The following C16orf74 variants were observed in gnomAD, a reference collection of about 807,000 sequenced individuals.
C16orf74 encodes the protein calcimembrin, also known as uncharacterized protein C16orf74.
C16orf74 carries 10 observed loss-of-function variants against 6.5 expected under a neutral mutation model. The ratio of observed to expected loss-of-function variants is 1.54; its 90% CI spans 0.95 to 2.61. The LOEUF (loss-of-function observed/expected upper bound fraction) is 2.61, where lower values mean the gene tolerates loss of function less well. Among genes scored for constraint, C16orf74 ranks in the 30% most tolerant of loss-of-function variants. The pLI is 0.00. For synonymous variants in C16orf74, 60 were observed against 42.5 expected, an observed-to-expected ratio of 1.41 and a Z score of -1.60; for missense variants, 141 against 105.9, an observed-to-expected ratio of 1.33 and a Z score of -1.45.
In C16orf74 at chr16:85,722,430, G is replaced by A. The variant is rs570007843; in HGVS notation, c.29-12123C>T. 2.0e-5 allele frequency among the ~76,000 whole-genome samples: 3 copies of A among 152,332 alleles called. No homozygotes were observed. The South Asian group carries it at 6.2e-4, about 32-fold the overall frequency. ...GCAGCTGAAGCTGGGAAAGGCCGCA[G>A]CCAGAGAGCGGAGCAGACTGAAGGC... On this transcript the variant is annotated intron_variant, in intron 2 of 3. Coordinates refer to ENST00000284245, the MANE Select transcript of C16orf74 (RefSeq NM_206967.3).
chr16:85,727,659 A>C (rs2054147442), intron 2 of C16orf74, among the ~76,000 whole-genome samples: 1 of 151,980 alleles, frequency 6.6e-6, no homozygotes, highest in Non-Finnish European at 1.5e-5. Flanking sequence ...AAAAATGCAA[A>C]AAAAATAAGC....
intron 2 of C16orf74, among the ~76,000 whole-genome samples, chr16:85,727,698 T>C (rs1205477147): frequency 2.0e-5 from 3 of 151,994 alleles, no homozygotes; most frequent in African/African-American, 7.3e-5. Context: ...CCTGTAGTCC[T>C]AGCTACTTGG....
chr16:85,710,349 CAG>C, intron 2 of C16orf74, 42 bp from the exon 3 acceptor site: 1 of 1,437,608 alleles, frequency 7.0e-7, no homozygotes, highest in Non-Finnish European at 9.0e-7. Context: ...GTACACACGA[CAG>C]AGAGACAGGC....
intron 2 of C16orf74, among the ~76,000 whole-genome samples, chr16:85,722,219 G>T (rs1204393753): frequency 6.6e-6 from 1 of 152,062 alleles, no homozygotes; most frequent in Admixed American, 6.6e-5. Flanking sequence ...CTGTCATAAG[G>T]ATGCATGGTA....
chr16:85,736,773 G>T (rs1391860471), intron 1 of C16orf74, among the ~76,000 whole-genome samples: 1 of 152,190 alleles, frequency 6.6e-6, no homozygotes, highest in East Asian at 1.9e-4. Flanking sequence ...GGATGAGCTG[G>T]CCGGGCACAG....
chr16:85,733,001 G>A (rs1235982348), intron 2 of C16orf74, among the ~76,000 whole-genome samples: 1 of 152,208 alleles, frequency 6.6e-6, no homozygotes. Context: ...GCATTTCCCA[G>A]GCACTGTCAG....
intron 3 of C16orf74, among the ~76,000 whole-genome samples, chr16:85,708,331 A>G (rs11865566): frequency 0.031 from 4,745 of 152,120 alleles, 256 homozygotes; most frequent in African/African-American, 0.11. Context: ...TGTCTCCCCT[A>G]TGCCCCCACT....
Position 85,738,974 on chromosome 16 carries a change from T to C in C16orf74, c.-18-3739A>G, listed in dbSNP as rs896567846. Among the ~76,000 whole-genome samples, 3 of 133,658 alleles carry C rather than the reference T, an allele frequency of 2.2e-5. No homozygotes were observed. The Admixed American group carries it at 2.3e-4, about 10-fold the overall frequency. The allele number at this position is 133,658 out of a possible 152,430, so 87.7% of individuals were successfully genotyped here. Reference sequence around the variant, plus strand: ...CAGAACAGGGATTTGAAGCCAGAACTTTGGACTCTAGAGCCCACGCTTTTA... The same window carrying C: ...CAGAACAGGGATTTGAAGCCAGAACCTTGGACTCTAGAGCCCACGCTTTTA... On this transcript the variant is annotated intron_variant, in intron 1 of 3. Transcript: ENST00000284245.
At chr16:85,716,246 G>A (rs1020074575) in intron 2 of C16orf74, among the ~76,000 whole-genome samples, 10 of 151,730 alleles carry the variant, frequency 6.6e-5, no homozygotes, top group African/African-American at 1.9e-4. Flanking sequence ...AGGAGAGGGG[G>A]TTGGAGGGAG....
At chr16:85,710,073 A>T in intron 3 of C16orf74, 91 bp downstream of exon 3, 1 of 1,120,234 alleles carries the variant, frequency 8.9e-7, no homozygotes, top group Non-Finnish European at 1.2e-6. Flanking sequence ...GACGCAAGCT[A>T]GGCCCCGTGG....
At chr16:85,713,281 C>G (rs79837980) in intron 2 of C16orf74, among the ~76,000 whole-genome samples, 1 of 151,226 alleles carries the variant, frequency 6.6e-6, no homozygotes, top group Non-Finnish European at 1.5e-5. Flanking sequence ...CTCCCCCCTG[C>G]TTTTTTTTTG....
Position 85,707,977 on chromosome 16 carries a change from G to A in C16orf74, c.*31C>T. ...CACCTGAAGCCGGGCCGCTGGAGCA[G>A]GAGCCAGCCAGCCAAACCCAGGACA... On this transcript the variant is annotated 3_prime_UTR_variant, in exon 4 of 4. Coordinates refer to ENST00000284245, the MANE Select transcript of C16orf74 (RefSeq NM_206967.3). The A allele has an allele frequency of 1.3e-6, 2 of 1,547,168 alleles. No individual in the cohort carries two copies. The highest frequency in any genetic ancestry group is 2.4e-5 in the South Asian group (2 of 83,982).
At chr16:85,729,739 G>A (rs2054168859) in intron 2 of C16orf74, among the ~76,000 whole-genome samples, 1 of 152,174 alleles carries the variant, frequency 6.6e-6, no homozygotes, top group African/African-American at 2.4e-5. Context: ...GTTGAATGCA[G>A]GGCAACATGA....
chr16:85,711,547 C>A (rs960799404), intron 2 of C16orf74, among the ~76,000 whole-genome samples: 9 of 149,652 alleles, frequency 6.0e-5, no homozygotes, highest in African/African-American at 2.2e-4. Flanking sequence ...TGCTTGAATC[C>A]GGGAGGCGGA....
At chr16:85,728,429 G>A (rs1464345378) in intron 2 of C16orf74, among the ~76,000 whole-genome samples, 6 of 152,236 alleles carry the variant, frequency 3.9e-5, no homozygotes, top group African/African-American at 1.4e-4. Flanking sequence ...AGCCCCAAGG[G>A]ACCTTCCCCA....
At chr16:85,727,964 CA>C (rs59377902) in intron 2 of C16orf74, among the ~76,000 whole-genome samples, 2,927 of 75,818 alleles carry the variant, frequency 0.039, 84 homozygotes, top group African/African-American at 0.13. Flanking sequence ...CCCTTCTCTA[CA>C]AAAAAAAAAA....
chr16:85,748,788 C>T (rs2054402336), intron 1 of C16orf74, among the ~76,000 whole-genome samples: 2 of 152,048 alleles, frequency 1.3e-5, no homozygotes, highest in African/African-American at 4.8e-5. Flanking sequence ...TGCGGGGTCT[C>T]AATTTCAAAA....
intron 2 of C16orf74, among the ~76,000 whole-genome samples, chr16:85,716,879 GC>G (rs2054030747): frequency 6.6e-6 from 1 of 152,304 alleles, no homozygotes; most frequent in African/African-American, 2.4e-5. Flanking sequence ...CAGACAAGGA[GC>G]TCATTTGTGC....
chr16:85,724,246 C>T (rs960893303), intron 2 of C16orf74, among the ~76,000 whole-genome samples: 1 of 152,208 alleles, frequency 6.6e-6, no homozygotes, highest in Non-Finnish European at 1.5e-5. Context: ...CCCGGTGGGA[C>T]CGTGAGTCCC....
Sources: allele counts gnomAD v4.1 joint callset (sites outside exome capture counted in the v4.1 genomes callset), GRCh38; gene constraint gnomAD v4.1.1; transcripts MANE v1.5; gene names NCBI Gene and HGNC (gene_info 2026-07-23, HGNC 2026-07-21).